KCTD18: variants seen among roughly 807,000 people sequenced by gnomAD.
The protein encoded by KCTD18 is potassium channel tetramerization domain containing 18.
Under a neutral mutation model 30.4 loss-of-function variants are expected in KCTD18, and 22 were observed. The ratio of observed to expected loss-of-function variants is 0.72; its 90% confidence interval spans 0.52 to 1.03. The LOEUF (loss-of-function observed/expected upper bound fraction) is 1.03. Ranked by LOEUF, KCTD18 falls within the 50% of genes least tolerant of loss-of-function variation. The pLI, the probability that KCTD18 is intolerant of heterozygous loss-of-function variation, is 0.00. For synonymous variants in KCTD18, 186 were observed against 209.0 expected, an observed-to-expected ratio of 0.89 and a Z score of 0.95; for missense variants, 529 against 547.6, an observed-to-expected ratio of 0.97 and a Z score of 0.34.
chr2:200,493,242 T>TTC lies in KCTD18; in HGVS notation c.693_694insGA (p.Ile232GlufsTer2). The TTC allele has an allele frequency of 6.2e-7, 1 of 1,612,492 alleles. No individual in the cohort carries two copies. Among genetic ancestry groups the TTC allele is most frequent in the East Asian group, 2.2e-5 (1 of 44,880 alleles). On this transcript the variant is annotated frameshift_variant, in exon 6 of 7. Coordinates refer to ENST00000359878, the MANE Select transcript of KCTD18 (RefSeq NM_152387.4). LOFTEE classifies it high-confidence loss of function. ...CGTTCTTCTAGAGTCCAACACTCTA[T>TTC]CAGCTCATGAGGCACCCGCCAGTAG...
At chr2:200,499,110 T>A (rs1333796465) in intron 3 of KCTD18, 26 bp from the exon 4 acceptor site, 6 of 1,504,526 alleles carry the variant, frequency 4.0e-6, no homozygotes, top group Non-Finnish European at 5.4e-6. Flanking sequence ...TATATAAAAT[T>A]TGAATTTAAT....
chr2:200,506,711 T>A (rs2030218964), intron 2 of KCTD18, 146 bp downstream of exon 2: 1 of 635,044 alleles, frequency 1.6e-6, no homozygotes, highest in East Asian at 3.0e-5. Context: ...TTTCTCCACG[T>A]ACTTAATGAA....
chr2:200,495,759 ACTTT>A (rs1559182552), intron 5 of KCTD18: 2 of 151,956 alleles, frequency 1.3e-5, no homozygotes, highest in Non-Finnish European at 1.5e-5. Flanking sequence ...ATTTTAATAA[ACTTT>A]CTTTCTATTA....
chr2:200,501,424 T>G (rs375975113), intron 3 of KCTD18, among the ~76,000 whole-genome samples: 5,623 of 132,842 alleles, frequency 0.042, 117 homozygotes, highest in Admixed American at 0.057. Flanking sequence ...TACAATGAAC[T>G]CAAACAAATT....
In KCTD18 at chr2:200,497,729, T is replaced by C. The variant is rs773028359; in HGVS notation, c.661+24A>G. The C allele has an allele frequency of 3.9e-5, 59 of 1,499,758 alleles. 1 individual carries two copies. The highest frequency in any genetic ancestry group is 3.3e-5 in the Non-Finnish European group (36 of 1,077,750). 92.9% of individuals were successfully genotyped at this position (1,499,758 alleles called of 1,614,324 possible). On this transcript the variant is annotated intron_variant, in intron 5 of 6. Coordinates refer to ENST00000359878, the MANE Select transcript of KCTD18 (RefSeq NM_152387.4). ...TTTTTTTAAAGTCCACCTGCTTCCA[T>C]GAAATAAAAGAATTGCACTGTACCT... is the stretch of plus-strand genomic sequence containing the variant.
At chr2:200,493,832 T>C (rs939113417) in intron 5 of KCTD18, among the ~76,000 whole-genome samples, 2 of 151,958 alleles carry the variant, frequency 1.3e-5, no homozygotes, top group African/African-American at 4.8e-5. Flanking sequence ...GTATAGGGGG[T>C]GGGTTGTAAC....
At chr2:200,501,711 T>C (rs1296722122) in intron 3 of KCTD18, among the ~76,000 whole-genome samples, 1 of 149,322 alleles carries the variant, frequency 6.7e-6, no homozygotes, top group African/African-American at 2.5e-5. Flanking sequence ...AGTTCAACCA[T>C]TGTGGAAGTC....
rs2087973954 is a variant in KCTD18 at position 200,494,897 on chromosome 2, G to C, written c.662-1623C>G. Among the ~76,000 whole-genome samples, 4 of 152,000 alleles carry C rather than the reference G, an allele frequency of 2.6e-5. No homozygotes were observed. In the South Asian group the frequency reaches 8.3e-4, roughly 32 times the overall value. On this transcript the variant is annotated intron_variant, in intron 5 of 6. Transcript: ENST00000359878. ...CCTTTTCTGAAATGTCATATAAATG[G>C]GATCATACAAAATGCAACCTTTTGT... is the stretch of plus-strand genomic sequence containing the variant.
rs983328624 is a variant in KCTD18, at chr2:200,495,054, T to C, written c.662-1780A>G. Among the ~76,000 whole-genome samples the C allele has an allele frequency of 7.9e-5, 12 of 152,318 alleles. No individual in the cohort carries two copies. In the East Asian group the frequency reaches 2.1e-3, roughly 27 times the overall value. ...AATTTGTTTAAAAACTTTCTTTTTT[T>C]TTCCTGCCTATAAAGTAATTCACAT... On this transcript the variant is annotated intron_variant, in intron 5 of 6. Coordinates refer to ENST00000359878, the MANE Select transcript of KCTD18 (RefSeq NM_152387.4).
intron 3 of KCTD18, among the ~76,000 whole-genome samples, chr2:200,500,819 G>A (rs535617541): frequency 1.9e-4 from 29 of 152,132 alleles, no homozygotes; most frequent in African/African-American, 6.5e-4. Flanking sequence ...AGCCCGCATC[G>A]CCAAGTCAAT....
intron 6 of KCTD18, among the ~76,000 whole-genome samples, chr2:200,491,973 AC>A (rs2087924926): frequency 6.6e-6 from 1 of 152,228 alleles, no homozygotes; most frequent in South Asian, 2.1e-4. Context: ...TTCCCTGGTC[AC>A]CAGATGGCTC....
chr2:200,499,133 TA>T (rs754735593), intron 3 of KCTD18, 49 bp from the exon 4 acceptor site: 1 of 1,269,662 alleles, frequency 7.9e-7, no homozygotes, highest in Non-Finnish European at 1.1e-6. Flanking sequence ...TAGAGTAAAA[TA>T]AAAATGAATA....
At chr2:200,505,417 C>T (rs1291457774) in intron 2 of KCTD18, among the ~76,000 whole-genome samples, 2 of 152,174 alleles carry the variant, frequency 1.3e-5, no homozygotes, top group Admixed American at 6.5e-5. Flanking sequence ...TAAAAGGGCA[C>T]CCTTTTCTGA....
At chr2:200,499,847 T>C (rs1348713512) in intron 3 of KCTD18, among the ~76,000 whole-genome samples, 2 of 148,280 alleles carry the variant, frequency 1.3e-5, no homozygotes, top group Admixed American at 1.4e-4. Flanking sequence ...TTTAGACCAA[T>C]ATCCTTGATG....
At chr2:200,503,779 G>A (rs1483231369) in intron 3 of KCTD18, among the ~76,000 whole-genome samples, 1 of 152,058 alleles carries the variant, frequency 6.6e-6, no homozygotes, top group African/African-American at 2.4e-5. Flanking sequence ...CTTCCTAAAC[G>A]CTGACATCCA....
intron 2 of KCTD18, 92 bp downstream of exon 2, chr2:200,506,765 T>C (rs1328608486): frequency 2.7e-6 from 3 of 1,122,244 alleles, no homozygotes; most frequent in Non-Finnish European, 4.0e-6. Flanking sequence ...TATAGTCATC[T>C]AGTACATTTC....
At chr2:200,497,920 T>C (rs1283182834) in intron 4 of KCTD18, 73 bp from the exon 5 acceptor site, 2 of 998,608 alleles carry the variant, frequency 2.0e-6, no homozygotes, top group East Asian at 4.8e-5. Flanking sequence ...ACAGCTAATA[T>C]ACATTTAATA....
chr2:200,490,172 G>A lies in KCTD18; in HGVS notation c.1209C>T (p.Leu403=). The A allele has an allele frequency of 6.2e-7, 1 of 1,612,744 alleles. No individual in the cohort carries two copies. ...SPTATRQANS[L]KPLPGEAARA... is the part of the protein sequence containing the mutation. ...GGGCAGCTTCGCCGGGAAGCGGCTT[G>A]AGGGAGTTGGCCTGCCTCGTGGCCG... Residue 403 remains leucine (L), a synonymous_variant, in exon 7 of 7, where the codon CTC becomes CTT. Coordinates refer to ENST00000359878, the MANE Select transcript of KCTD18 (RefSeq NM_152387.4).
At position 200,504,924 on chromosome 2, in the gene KCTD18, TAA is replaced by T. The variant is rs1480600733; in HGVS notation, c.194_195del (p.Phe65Ter). ...ACVIDRDGRL[F>X]KYLLDYLHGE... is the part of the protein sequence containing the mutation. ...CCATGAAGGTAATCCAAAAGGTATT[TAA>T]ATAGACGTCCATCACGGTCAATAAC... On this transcript the variant is annotated frameshift_variant, in exon 3 of 7. Coordinates refer to ENST00000359878, the MANE Select transcript of KCTD18 (RefSeq NM_152387.4). LOFTEE classifies it high-confidence loss of function. 1 of 1,614,096 alleles carries T rather than the reference TAA, an allele frequency of 6.2e-7. No individual in the cohort carries two copies. Among genetic ancestry groups the T allele is most frequent in the South Asian group, 1.1e-5 (1 of 91,066 alleles).
Sources: gnomAD v4.1 joint callset for allele counts (sites outside exome capture counted in the v4.1 genomes callset) on GRCh38, gnomAD v4.1.1 for gene constraint, MANE v1.5 for transcripts, NCBI Gene and HGNC (gene_info 2026-07-23, HGNC 2026-07-21) for gene names.